The following CAMKMT variants were observed in gnomAD, a reference collection of about 807,000 sequenced individuals.
CAMKMT encodes CaM KMT.
In CAMKMT, 53 loss-of-function variants were observed where a neutral mutation model predicts 48.0. That is an observed-to-expected ratio of 1.10 (90% CI 0.89 to 1.39). The LOEUF is 1.39. CAMKMT is among the 40% of genes most tolerant of loss of function. The pLI is 0.00. For synonymous variants in CAMKMT, 165 were observed against 152.3 expected (o/e 1.08, Z -0.61); for missense variants, 428 against 402.7 (o/e 1.06, Z -0.54).
chr2:44,575,486 TTATCGC>T (rs1278697299), intron 3 of CAMKMT, among the ~76,000 whole-genome samples: 2 of 152,244 alleles, frequency 1.3e-5, no homozygotes, highest in African/African-American at 2.4e-5. Context: ...CCTAAGATTT[TTATCGC>T]TATTCTTTTT....
intron 10 of CAMKMT, among the ~76,000 whole-genome samples, chr2:44,769,397 T>G (rs2104410781): frequency 6.6e-6 from 1 of 152,320 alleles, no homozygotes; most frequent in Middle Eastern, 3.4e-3. Context: ...AAAATATTGC[T>G]TTTCAGTCCA....
chr2:44,390,280 C>G lies in CAMKMT; in HGVS notation c.351C>G (p.Thr117=), dbSNP rs1572725845. ...SGSLNVEDVL[T]SFDNTGNVCI... is the part of the protein sequence containing the mutation. ...CCTTGAATGTTGAAGATGTCCTTAC[C>G]AGCTTTGACAATACAGGAAATGTTT... Residue 117 remains threonine (T), a synonymous_variant, in exon 3 of 11, where the codon ACC becomes ACG. Coordinates refer to ENST00000378494, the MANE Select transcript of CAMKMT (RefSeq NM_024766.5). 7 of 1,608,880 alleles carry G rather than the reference C, an allele frequency of 4.4e-6. No individual in the cohort carries two copies. The highest frequency in any genetic ancestry group is 5.9e-6 in the Non-Finnish European group (7 of 1,177,500).
At chr2:44,745,420 T>C (rs1030070415) in intron 8 of CAMKMT, among the ~76,000 whole-genome samples, 1 of 152,204 alleles carries the variant, frequency 6.6e-6, no homozygotes, top group Non-Finnish European at 1.5e-5. Context: ...ACACAACATG[T>C]TTGGAAAACA....
intron 3 of CAMKMT, among the ~76,000 whole-genome samples, chr2:44,596,656 G>C (rs1670687401): frequency 6.6e-6 from 1 of 152,034 alleles, no homozygotes; most frequent in East Asian, 1.9e-4. Flanking sequence ...AGCCAAGGCA[G>C]TGGCATCTCT....
chr2:44,457,251 T>A (rs1242184501), intron 3 of CAMKMT: 1 of 152,176 alleles, frequency 6.6e-6, no homozygotes, highest in Non-Finnish European at 1.5e-5. Flanking sequence ...TTGCATATAT[T>A]TCTGTATACT....
chr2:44,620,706 A>G (rs1049827546), intron 3 of CAMKMT, among the ~76,000 whole-genome samples: 2 of 152,200 alleles, frequency 1.3e-5, no homozygotes, highest in Admixed American at 1.3e-4. Flanking sequence ...TCCTTACTCT[A>G]TATTTATTTA....
intron 3 of CAMKMT, among the ~76,000 whole-genome samples, chr2:44,447,723 G>A (rs993317242): frequency 4.6e-5 from 7 of 152,312 alleles, no homozygotes; most frequent in African/African-American, 1.7e-4. Context: ...TTTACATGGT[G>A]AAGCCTGTTG....
chr2:44,661,731 T>A (rs753921448), intron 3 of CAMKMT, among the ~76,000 whole-genome samples: 32 of 152,178 alleles, frequency 2.1e-4, no homozygotes, highest in Admixed American at 6.5e-5. Context: ...AGAAAATGGA[T>A]CACTTGCCCA....
rs117754379 is a variant in CAMKMT, at chr2:44,678,921, C to G, written c.377-25362C>G. Among the ~76,000 whole-genome samples the G allele has an allele frequency of 4.5e-4, 69 of 152,300 alleles. No individual in the cohort carries two copies. In the East Asian group the frequency reaches 9.3e-3, roughly 20 times the overall value. On this transcript the variant is annotated intron_variant, in intron 3 of 10. Coordinates refer to ENST00000378494, the MANE Select transcript of CAMKMT (RefSeq NM_024766.5). ...GCCCAAATCCTATTTTTCTCCCATT[C>G]TAATTGAGAAATTTGGTTCTCTTCT... is the stretch of plus-strand genomic sequence containing the variant.
At chr2:44,701,013 T>G (rs1267907996) in intron 3 of CAMKMT, among the ~76,000 whole-genome samples, 1 of 152,236 alleles carries the variant, frequency 6.6e-6, no homozygotes, top group Non-Finnish European at 1.5e-5. Context: ...TGTATGGACG[T>G]ACCACATTTT....
At chr2:44,473,900 A>T (rs1021626169) in intron 3 of CAMKMT, among the ~76,000 whole-genome samples, 2 of 152,136 alleles carry the variant, frequency 1.3e-5, no homozygotes, top group African/African-American at 4.8e-5. Context: ...AAACCTTTCA[A>T]TCCGTAAACT....
chr2:44,559,245 C>G (rs1173483762), intron 3 of CAMKMT, among the ~76,000 whole-genome samples: 1 of 152,114 alleles, frequency 6.6e-6, no homozygotes, highest in Non-Finnish European at 1.5e-5. Flanking sequence ...GTATAGTCCT[C>G]TATTGCAGCT....
chr2:44,684,268 A>G (rs540417269), intron 3 of CAMKMT, among the ~76,000 whole-genome samples: 59 of 152,298 alleles, frequency 3.9e-4, no homozygotes, highest in Non-Finnish European at 7.6e-4. Context: ...CAACTTAAGA[A>G]CACTCGTGTG....
At chr2:44,576,130 C>A (rs1422557436) in intron 3 of CAMKMT, among the ~76,000 whole-genome samples, 2 of 151,910 alleles carry the variant, frequency 1.3e-5, no homozygotes, top group African/African-American at 2.4e-5. Context: ...AGTTCGAGAC[C>A]AGCCTGGCTA....
chr2:44,563,307 C>T (rs187040499), intron 3 of CAMKMT, among the ~76,000 whole-genome samples: 44 of 151,558 alleles, frequency 2.9e-4, no homozygotes, highest in African/African-American at 1.0e-3. Context: ...TTTTTTACTT[C>T]AAAATGTACT....
intron 3 of CAMKMT, among the ~76,000 whole-genome samples, chr2:44,672,512 A>C (rs1675391472): frequency 6.6e-6 from 1 of 152,132 alleles, no homozygotes; most frequent in Admixed American, 6.5e-5. Flanking sequence ...TTGTACCATT[A>C]GGCCACTGCT....
chr2:44,477,105 A>G (rs1251839119), intron 3 of CAMKMT, among the ~76,000 whole-genome samples: 1 of 152,226 alleles, frequency 6.6e-6, no homozygotes, highest in African/African-American at 2.4e-5. Flanking sequence ...GGCATGTATT[A>G]CCACATACAA....
At chr2:44,646,698 A>C (rs1481787140) in intron 3 of CAMKMT, among the ~76,000 whole-genome samples, 1 of 152,154 alleles carries the variant, frequency 6.6e-6, no homozygotes, top group Non-Finnish European at 1.5e-5. Flanking sequence ...ATAATCTTAC[A>C]TTGATTATAA....
intron 3 of CAMKMT, among the ~76,000 whole-genome samples, chr2:44,625,031 A>G (rs770164155): frequency 2.6e-5 from 4 of 152,038 alleles, no homozygotes; most frequent in Admixed American, 1.3e-4. Flanking sequence ...GCTGGGTTTT[A>G]TGGTATGTAT....
Sources: gnomAD v4.1 joint callset for allele counts (sites outside exome capture counted in the v4.1 genomes callset) on GRCh38, gnomAD v4.1.1 for gene constraint, MANE v1.5 for transcripts, NCBI Gene and HGNC (gene_info 2026-07-23, HGNC 2026-07-21) for gene names.